The following GLIS3 variants were observed in gnomAD, a reference collection of about 807,000 sequenced individuals.
GLIS3 encodes GLIS family zinc finger 3.
In GLIS3, 53 loss-of-function variants were observed where a neutral mutation model predicts 78.6. The ratio of observed to expected loss-of-function variants is 0.67; its 90% confidence interval spans 0.54 to 0.85. GLIS3 has a LOEUF of 0.85. Among genes scored for constraint, GLIS3 ranks in the 40% least tolerant of loss-of-function variants. GLIS3 has a pLI of 0.00. For missense variants in GLIS3, 1,703 were observed against 1,231.1 expected (o/e 1.38, Z -5.74); for synonymous variants, 684 against 509.9 (o/e 1.34, Z -4.60).
At chr9:4,139,798 C>A (rs1043500635) in intron 2 of GLIS3, among the ~76,000 whole-genome samples, 3 of 152,132 alleles carry the variant, frequency 2.0e-5, no homozygotes, top group African/African-American at 4.8e-5. Flanking sequence ...GGGGTTTCTG[C>A]CTCTATGAGA....
chr9:3,828,151 A>G lies in GLIS3; in HGVS notation c.*121T>C. 1.4e-5 allele frequency: 16 copies of G among 1,138,840 alleles called. No individual in the cohort carries two copies. Among genetic ancestry groups the G allele is most frequent in the Non-Finnish European group, 2.1e-5 (16 of 764,114 alleles). The allele number at this position is 1,138,840 out of a possible 1,614,324, so 70.5% of individuals were successfully genotyped here. A position where few individuals can be genotyped will look rare whatever the true frequency, so the allele number is the denominator to read the frequency against. ...TCCTGCCTTCTGAAAGAACATCAGT[A>G]ACTCTGCAGGGCCCGCTGATTGGGC... On this transcript the variant is annotated 3_prime_UTR_variant, in exon 11 of 11. Coordinates refer to ENST00000381971, the MANE Select transcript of GLIS3 (RefSeq NM_001042413.2).
intron 4 of GLIS3, among the ~76,000 whole-genome samples, chr9:3,978,300 A>G (rs1431458783): frequency 6.6e-6 from 1 of 152,164 alleles, no homozygotes; most frequent in Non-Finnish European, 1.5e-5. Context: ...ACATTGGCTG[A>G]ATAAATATTA....
chr9:4,233,269 C>G (rs1382309094), intron 2 of GLIS3, among the ~76,000 whole-genome samples: 1 of 152,178 alleles, frequency 6.6e-6, no homozygotes. Flanking sequence ...GCCACTGTCA[C>G]CACAGAAACC....
chr9:4,088,855 T>C (rs751223569), intron 4 of GLIS3, among the ~76,000 whole-genome samples: 1 of 152,244 alleles, frequency 6.6e-6, no homozygotes, highest in Non-Finnish European at 1.5e-5. Flanking sequence ...GTTGAGATAC[T>C]TCACAGCCAA....
the GLIS3 span, among the ~76,000 whole-genome samples, chr9:4,443,940 C>A: frequency 6.6e-6 from 1 of 152,116 alleles, no homozygotes; most frequent in African/African-American, 2.4e-5. Context: ...TATCTACTGG[C>A]CTGGTGTAGA....
the GLIS3 span, among the ~76,000 whole-genome samples, chr9:4,456,306 T>C: frequency 1.3e-5 from 2 of 152,168 alleles, no homozygotes; most frequent in African/African-American, 4.8e-5. Flanking sequence ...CAGATCAGAT[T>C]GATGGTTGCT....
the GLIS3 span, among the ~76,000 whole-genome samples, chr9:4,379,733 C>G: frequency 6.6e-6 from 1 of 152,212 alleles, no homozygotes; most frequent in Non-Finnish European, 1.5e-5. Flanking sequence ...CATATTCATT[C>G]GCAGTGTCCC....
rs1815858942 is a variant in GLIS3, at chr9:4,290,550, GATAAT to G, written c.-98-4032_-98-4028del. ...TCTAGAAATGAAAAGCCTATTGATA[GATAAT>G]ATAAGTTATTCTCATGCACGGCTGC... is the stretch of plus-strand genomic sequence containing the variant. On this transcript the variant is annotated intron_variant, in intron 1 of 10. Transcript: ENST00000381971. Among the ~76,000 whole-genome samples the G allele has an allele frequency of 2.0e-5, 3 of 152,196 alleles. No individual in the cohort carries two copies. The South Asian group carries it at 6.2e-4, about 32-fold the overall frequency.
At chr9:4,164,216 TC>T (rs1176445212) in intron 2 of GLIS3, among the ~76,000 whole-genome samples, 13 of 152,212 alleles carry the variant, frequency 8.5e-5, no homozygotes, top group African/African-American at 3.1e-4. Flanking sequence ...CTTGCTCTTT[TC>T]TCTCTCAGCT....
chr9:4,279,868 C>G (rs1048828254), intron 2 of GLIS3, among the ~76,000 whole-genome samples: 2 of 149,532 alleles, frequency 1.3e-5, no homozygotes, highest in African/African-American at 2.5e-5. Flanking sequence ...GATATGACAA[C>G]CAAAGGTAAT....
intron 7 of GLIS3, among the ~76,000 whole-genome samples, chr9:3,896,670 T>TTAAAAAAAAAAAAAAA (rs1554641917): frequency 4.0e-5 from 2 of 49,982 alleles, no homozygotes; most frequent in Non-Finnish European, 6.7e-5. Context: ...CCATCTCAAT[T>TTAAAAAAAAAAAAAAA]AAAAAAAAAA....
chr9:4,000,579 G>A (rs947982718), intron 4 of GLIS3, among the ~76,000 whole-genome samples: 1 of 152,070 alleles, frequency 6.6e-6, no homozygotes, highest in African/African-American at 2.4e-5. Flanking sequence ...CCCAAAGCTC[G>A]TTTAAAGAAA....
intron 9 of GLIS3, among the ~76,000 whole-genome samples, chr9:3,848,658 A>C (rs1004879725): frequency 1.3e-5 from 2 of 152,246 alleles, no homozygotes; most frequent in Non-Finnish European, 2.9e-5. Context: ...ACTGAGGAAG[A>C]AGTTAGCTAA....
In GLIS3 at chr9:4,071,519, A is replaced by T. The variant is rs574267710; in HGVS notation, c.1710+46249T>A. 1.3e-4 allele frequency: 19 copies of T among 151,792 alleles called. No homozygotes were observed. The East Asian group carries it at 3.7e-3, about 29-fold the overall frequency. The allele number at this position is 151,792 out of a possible 1,614,324, so 9.4% of individuals were successfully genotyped here. A position where few individuals can be genotyped will look rare whatever the true frequency, so the allele number is the denominator to read the frequency against. ...TTCTAATTCACCCATGACCTTGAAA[A>T]CTCCATCAATGTTTATTTTTCTACC... is the stretch of plus-strand genomic sequence containing the variant. On this transcript the variant is annotated intron_variant, in intron 4 of 10. Transcript: ENST00000381971.
intron 8 of GLIS3, among the ~76,000 whole-genome samples, chr9:3,872,130 C>T (rs1821009087): frequency 6.6e-6 from 1 of 152,200 alleles, no homozygotes; most frequent in African/African-American, 2.4e-5. Flanking sequence ...ACCTTTGCTC[C>T]AGTTCCCAAC....
At chr9:3,858,436 AATATG>A (rs1234561613) in intron 8 of GLIS3, among the ~76,000 whole-genome samples, 3 of 152,194 alleles carry the variant, frequency 2.0e-5, no homozygotes, top group Non-Finnish European at 4.4e-5. Context: ...TAAAGAAAAA[AATATG>A]ATAGGTACAA....
At chr9:4,389,517 AG>A in the GLIS3 span, among the ~76,000 whole-genome samples, 2 of 152,342 alleles carry the variant, frequency 1.3e-5, no homozygotes, top group East Asian at 3.9e-4. Context: ...ATGGTCCTGT[AG>A]AGTCTGCATT....
intron 2 of GLIS3, among the ~76,000 whole-genome samples, chr9:4,147,815 C>CA (rs34155642): frequency 9.3e-5 from 13 of 140,474 alleles, no homozygotes; most frequent in African/African-American, 2.9e-4. Flanking sequence ...GAGTTCATAC[C>CA]AAAAAAAAAA....
intron 4 of GLIS3, among the ~76,000 whole-genome samples, chr9:4,082,978 C>A (rs943764100): frequency 2.6e-5 from 4 of 152,106 alleles, no homozygotes; most frequent in East Asian, 1.9e-4. Context: ...TAATTTAGTA[C>A]CTTGTTCTCT....
Sources: gnomAD v4.1 joint callset for allele counts (sites outside exome capture counted in the v4.1 genomes callset) on GRCh38, gnomAD v4.1.1 for gene constraint, MANE v1.5 for transcripts, NCBI Gene and HGNC (gene_info 2026-07-23, HGNC 2026-07-21) for gene names.